Variants in KLHL13 observed in about 807,000 individuals in gnomAD.
The protein encoded by KLHL13 is kelch like family member 13.
In KLHL13, 10 loss-of-function variants were observed where a neutral mutation model predicts 37.1. That is an observed-to-expected ratio of 0.27 (90% confidence interval 0.17 to 0.46). The LOEUF is 0.46. KLHL13 is among the 20% of genes least tolerant of loss of function. KLHL13 has a pLI of 1.00. For synonymous variants in KLHL13, 163 were observed against 181.2 expected, an observed-to-expected ratio of 0.90 and a Z score of 0.81; for missense variants, 360 against 509.3, an observed-to-expected ratio of 0.71 and a Z score of 2.82.
At chrX:117,974,168 A>G (rs1602616145), upstream of KLHL13, among the ~76,000 whole-genome samples, 1 of 111,907 alleles carries the variant, frequency 8.9e-6, no homozygotes, top group East Asian at 2.8e-4. Flanking sequence ...TAAAAAGTGA[A>G]TATAGGTTAA....
intron 4 of KLHL13, among the ~76,000 whole-genome samples, chrX:117,910,429 A>G (rs753384821): frequency 2.5e-4 from 25 of 98,601 alleles, no homozygotes; most frequent in African/African-American, 9.5e-4. Flanking sequence ...CAAAATACTG[A>G]TAAAATTCCT....
intron 1 of KLHL13, among the ~76,000 whole-genome samples, chrX:118,073,518 A>G (rs2054895253): frequency 9.0e-6 from 1 of 111,584 alleles, no homozygotes; most frequent in Non-Finnish European, 1.9e-5. Flanking sequence ...TCATCCCCCA[A>G]TATCATCCTC....
chrX:118,092,199 AC>A (rs2055144493), intron 1 of KLHL13, among the ~76,000 whole-genome samples: 1 of 112,000 alleles, frequency 8.9e-6, no homozygotes, highest in Admixed American at 9.5e-5. Flanking sequence ...TTCCTCAAAA[AC>A]ATATTGAAAT....
intron 1 of KLHL13, among the ~76,000 whole-genome samples, chrX:117,988,061 C>T (rs1365442242): frequency 8.9e-5 from 10 of 111,915 alleles, no homozygotes; most frequent in Non-Finnish European, 1.7e-4. Context: ...TAAGCCAGAC[C>T]ATTTCCTCAT....
chrX:118,069,086 G>A (rs1323650571), intron 1 of KLHL13, among the ~76,000 whole-genome samples: 1 of 101,760 alleles, frequency 9.8e-6, no homozygotes, highest in African/African-American at 4.0e-5. Context: ...GCATCCTGGT[G>A]AAAACAGGGC....
At chrX:117,936,917 A>G (rs1271963628) in intron 2 of KLHL13, among the ~76,000 whole-genome samples, 1 of 112,225 alleles carries the variant, frequency 8.9e-6, no homozygotes, top group Non-Finnish European at 1.9e-5. Flanking sequence ...TGGGCCAGAG[A>G]GTATAAATGA....
chrX:118,074,179 G>C (rs2054904135), intron 1 of KLHL13, among the ~76,000 whole-genome samples: 1 of 111,818 alleles, frequency 8.9e-6, no homozygotes, highest in Non-Finnish European at 1.9e-5. Context: ...TGGTGTGAAA[G>C]AACACTATGA....
At chrX:117,940,008 T>C (rs2147780405) in intron 2 of KLHL13, among the ~76,000 whole-genome samples, 1 of 112,189 alleles carries the variant, frequency 8.9e-6, no homozygotes, top group East Asian at 2.8e-4. Context: ...AGTCATCAAC[T>C]CTTTGCCGAT....
At chrX:118,112,818 C>A (rs2055426753) in intron 1 of KLHL13, among the ~76,000 whole-genome samples, 1 of 111,798 alleles carries the variant, frequency 8.9e-6, no homozygotes, top group African/African-American at 3.3e-5. Context: ...GCAATAAATT[C>A]ATTTAAGCCT....
intron 1 of KLHL13, among the ~76,000 whole-genome samples, chrX:118,095,964 A>C (rs772755530): frequency 5.7e-4 from 64 of 111,958 alleles, no homozygotes; most frequent in South Asian, 1.5e-3. Context: ...TAAATGCCCA[A>C]AAGAGAAAGC....
chrX:118,099,677 G>A (rs1023777968), intron 1 of KLHL13, among the ~76,000 whole-genome samples: 11 of 110,503 alleles, frequency 1.0e-4, no homozygotes, highest in African/African-American at 3.6e-4. Flanking sequence ...AATTAGCTGG[G>A]CATGGTGGCA....
intron 1 of KLHL13, among the ~76,000 whole-genome samples, chrX:118,072,175 G>A (rs371413413): frequency 4.6e-5 from 5 of 109,456 alleles, no homozygotes; most frequent in South Asian, 4.0e-4. Flanking sequence ...AAATAACGCC[G>A]CATATCTACA....
intron 1 of KLHL13, among the ~76,000 whole-genome samples, chrX:118,043,607 T>A (rs1323932413): frequency 8.9e-6 from 1 of 112,059 alleles, no homozygotes; most frequent in Non-Finnish European, 1.9e-5. Context: ...CAATGTGGTA[T>A]ATAATATCAA....
rs746369619 is a variant in KLHL13, at chrX:118,036,292, C to G, written c.-56+80216G>C. ...AAAGAGCCCGCATCACCAAGGCAAT[C>G]CCAAGCCAAAAGAACAAAGCTGGAG... On this transcript the variant is annotated intron_variant, in intron 1 of 6. Transcript: ENST00000371882. Among the ~76,000 whole-genome samples, 6 of 112,126 alleles carry G rather than the reference C, an allele frequency of 5.4e-5. No individual in the cohort carries two copies. The South Asian group carries it at 2.2e-3, about 42-fold the overall frequency.
At chrX:118,035,208 T>C (rs981206279) in intron 1 of KLHL13, among the ~76,000 whole-genome samples, 5 of 104,236 alleles carry the variant, frequency 4.8e-5, no homozygotes, top group Admixed American at 2.0e-4. Flanking sequence ...TTCCAATCAA[T>C]AGAAAAAGAG....
chrX:117,975,508 A>G (rs2053587335), upstream of KLHL13, among the ~76,000 whole-genome samples: 1 of 111,600 alleles, frequency 9.0e-6, no homozygotes, highest in African/African-American at 3.3e-5. Context: ...CTCCTGCCTC[A>G]GCCTCTTGAG....
Position 117,901,949 on chromosome X carries a change from G to T in KLHL13, c.1367-3C>A. 3 of 995,518 alleles carry T rather than the reference G, an allele frequency of 3.0e-6. No homozygotes were observed. The highest frequency in any genetic ancestry group is 2.8e-6 in the Non-Finnish European group (2 of 725,166). 82.0% of individuals were successfully genotyped at this position (995,518 alleles called of 1,213,427 possible). ...TGGATTGTAACATTCTACTGTGGCT[G>T]TTAAAAAAAAAAAGAAAAGAAAATT... On this transcript the variant is annotated splice_region_variant and splice_polypyrimidine_tract_variant and intron_variant, in intron 5 of 6. Transcript: ENST00000262820.
intron 1 of KLHL13, among the ~76,000 whole-genome samples, chrX:118,085,959 A>AT (rs2148138508): frequency 9.2e-6 from 1 of 108,568 alleles, no homozygotes; most frequent in African/African-American, 3.4e-5. Flanking sequence ...TTTTTTTGAG[A>AT]CGGAGTTTTG....
chrX:117,916,863 CACACCGTTCTTAAACATGAGA>C (rs1345535056), intron 4 of KLHL13, among the ~76,000 whole-genome samples: 2 of 111,896 alleles, frequency 1.8e-5, no homozygotes, highest in African/African-American at 6.5e-5. Flanking sequence ...CTTATTTCAG[CACACCGTTCTTAAACATGAGA>C]ACATTATATT....
Sources: gnomAD v4.1 joint callset for allele counts (sites outside exome capture counted in the v4.1 genomes callset) on GRCh38, gnomAD v4.1.1 for gene constraint, MANE v1.5 for transcripts, NCBI Gene and HGNC (gene_info 2026-07-23, HGNC 2026-07-21) for gene names.